SNU13: variants seen among roughly 807,000 people sequenced by gnomAD.
SNU13 encodes the protein small nuclear ribonucleoprotein 13, also known as NHP2-like protein 1.
Under a neutral mutation model 12.4 loss-of-function variants are expected in SNU13, and 2 were observed. That is an observed-to-expected ratio of 0.16 (90% confidence interval 0.07 to 0.51). The LOEUF (loss-of-function observed/expected upper bound fraction) is 0.51. Ranked by LOEUF, SNU13 falls within the 20% of genes least tolerant of loss-of-function variation. SNU13 has a pLI of 0.96. For missense variants in SNU13, 66 were observed against 157.8 expected (o/e 0.42, Z 3.12); for synonymous variants, 68 against 66.5 (o/e 1.02, Z -0.11).
intron 1 of SNU13, among the ~76,000 whole-genome samples, chr22:41,687,020 A>C (rs1569111759): frequency 2.7e-5 from 4 of 150,916 alleles, no homozygotes. Context: ...CAGTGGTGTG[A>C]TCTTGGCTCA....
chr22:41,682,640 G>A, intron 1 of SNU13: 3 of 1,184,118 alleles, frequency 2.5e-6, no homozygotes, highest in East Asian at 2.9e-5. Context: ...AGGGGGTTGG[G>A]GGAGGTCAAG....
At chr22:41,682,334 A>G (rs779916746) in intron 1 of SNU13, 1 of 1,608,884 alleles carries the variant, frequency 6.2e-7, no homozygotes, top group Admixed American at 1.7e-5. Context: ...CCCGGAGATA[A>G]TGGCCCAGTA....
At chr22:41,688,585 C>T (rs1028418272) in intron 1 of SNU13, among the ~76,000 whole-genome samples, 1 of 152,168 alleles carries the variant, frequency 6.6e-6, no homozygotes, top group Non-Finnish European at 1.5e-5. Context: ...AACACAGCTG[C>T]GGGGATCCTA....
rs768636927 is a variant in SNU13, at chr22:41,688,834, G to A, written c.-38C>T. 1.9e-6 allele frequency: 3 copies of A among 1,567,124 alleles called. No individual in the cohort carries two copies. Among genetic ancestry groups the A allele is most frequent in the African/African-American group, 2.7e-5 (2 of 74,180 alleles). The stretch of plus-strand genomic sequence containing the variant: ...GCGGGCTCAGCACTCCTAGGGGAGC[G>A]CAGCTGACGTTTCAGAAGCACTCGC... On this transcript the variant is annotated 5_prime_UTR_variant, in exon 1 of 3. Coordinates refer to ENST00000401959, the MANE Select transcript of SNU13 (RefSeq NM_001003796.2).
At chr22:41,688,664 G>T in intron 1 of SNU13, 130 bp downstream of exon 1, 2 of 1,302,142 alleles carry the variant, frequency 1.5e-6, no homozygotes, top group Non-Finnish European at 1.0e-6. Context: ...CTAACTAAGG[G>T]CCCGGCGGTT....
At chr22:41,686,580 G>A (rs2068312063) in intron 1 of SNU13, among the ~76,000 whole-genome samples, 1 of 151,104 alleles carries the variant, frequency 6.6e-6, no homozygotes. Flanking sequence ...GATTACAGGT[G>A]TGAGCTACCA....
intron 1 of SNU13, among the ~76,000 whole-genome samples, chr22:41,685,630 G>T (rs905405840): frequency 6.7e-6 from 1 of 150,208 alleles, no homozygotes; most frequent in Non-Finnish European, 1.5e-5. Flanking sequence ...GGGTTTACAG[G>T]CATGAGCCAC....
intron 1 of SNU13, among the ~76,000 whole-genome samples, chr22:41,685,694 G>A (rs1039408846): frequency 3.3e-5 from 5 of 151,472 alleles, no homozygotes; most frequent in African/African-American, 7.3e-5. Context: ...GGCTGGGTGT[G>A]GTGGCTCACG....
At chr22:41,684,264 A>G (rs1270973222) in intron 1 of SNU13, among the ~76,000 whole-genome samples, 1 of 152,198 alleles carries the variant, frequency 6.6e-6, no homozygotes. Flanking sequence ...GGTGAGAAAG[A>G]GGGGCTTCGG....
chr22:41,689,934 C>T (rs946743898), upstream of SNU13, among the ~76,000 whole-genome samples: 26 of 149,732 alleles, frequency 1.7e-4, no homozygotes, highest in African/African-American at 5.4e-4. Flanking sequence ...GCCGAGATCG[C>T]GCCATTGCAC....
upstream of SNU13, among the ~76,000 whole-genome samples, chr22:41,689,591 CG>C (rs1363232163): frequency 6.6e-6 from 1 of 151,088 alleles, no homozygotes; most frequent in Non-Finnish European, 1.5e-5. Context: ...CCGTGAACCC[CG>C]GAGGCGGAGC....
At chr22:41,685,335 C>T (rs1188465715) in intron 1 of SNU13, among the ~76,000 whole-genome samples, 1 of 151,888 alleles carries the variant, frequency 6.6e-6, no homozygotes, top group African/African-American at 2.4e-5. Flanking sequence ...GCCACCACTC[C>T]TGGCTAATTT....
At chr22:41,680,080 A>G (rs2068249405) in intron 2 of SNU13, among the ~76,000 whole-genome samples, 164 bp downstream of exon 2, 1 of 152,176 alleles carries the variant, frequency 6.6e-6, no homozygotes, top group Admixed American at 6.5e-5. Flanking sequence ...GTGGGTCTAA[A>G]AAAAATTCTT....
chr22:41,675,008 G>A lies in SNU13; in HGVS notation c.312C>T (p.Val104=), dbSNP rs1166762829. 3 of 1,614,172 alleles carry A rather than the reference G, an allele frequency of 1.9e-6. No homozygotes were observed. The highest frequency in any genetic ancestry group is 1.7e-6 in the Non-Finnish European group (2 of 1,180,036). The change falls in exon 3 of 3, where the codon GTC becomes GTT. Residue 104 remains valine (V), a synonymous_variant. Coordinates refer to ENST00000401959, the MANE Select transcript of SNU13 (RefSeq NM_001003796.2). ...TCAGCTGCGAGCCTTCTTTGATGGT[G>A]ACAGAACAGGCGATGACAGGCCTGG... ...GVSRPVIACS[V]TIKEGSQLKQ... is the part of the protein sequence containing the mutation.
At chr22:41,681,974 T>C (rs1325955382) in intron 1 of SNU13, among the ~76,000 whole-genome samples, 1 of 122,382 alleles carries the variant, frequency 8.2e-6, no homozygotes, top group African/African-American at 3.5e-5. Context: ...AGTAAATCAT[T>C]TTCATTAATT....
chr22:41,681,740 C>T (rs199764491), intron 1 of SNU13, among the ~76,000 whole-genome samples: 1 of 152,110 alleles, frequency 6.6e-6, no homozygotes, highest in Admixed American at 6.5e-5. Flanking sequence ...GGGACGAGCG[C>T]GGTGTCTCAC....
intron 1 of SNU13, among the ~76,000 whole-genome samples, chr22:41,685,755 C>A (rs1298608870): frequency 6.6e-6 from 1 of 151,652 alleles, no homozygotes; most frequent in East Asian, 2.0e-4. Flanking sequence ...CACTTGAGGT[C>A]AGGAGTTGGA....
chr22:41,689,121 G>GTA, upstream of SNU13: 1 of 1,074,556 alleles, frequency 9.3e-7, no homozygotes, highest in East Asian at 6.2e-5. Context: ...CGGCACTTTG[G>GTA]GAGGCCGAGG....
Position 41,681,990 on chromosome 22 carries a change from CTTTTT to C in SNU13, c.4-1631_4-1627del, listed in dbSNP as rs11314374. On this transcript the variant is annotated intron_variant, in intron 1 of 2. Transcript: ENST00000401959. ...GTAAATCATTTTCATTAATTTTTCT[CTTTTT>C]TTTTTTGTTTTTACAAACACATATT... Among the ~76,000 whole-genome samples the C allele has an allele frequency of 2.3e-3, 348 of 149,822 alleles. 1 individual carries two copies. Among genetic ancestry groups the C allele is most frequent in the African/African-American group, 8.1e-3 (330 of 40,852 alleles).
Sources: gnomAD v4.1 joint callset for allele counts (sites outside exome capture counted in the v4.1 genomes callset) on GRCh38, gnomAD v4.1.1 for gene constraint, MANE v1.5 for transcripts, NCBI Gene and HGNC (gene_info 2026-07-23, HGNC 2026-07-21) for gene names.